The following DIAPH3 variants were observed in gnomAD, a reference collection of about 807,000 sequenced individuals.
The protein encoded by DIAPH3 is diaphanous related formin 3.
A neutral mutation model predicts 144.3 loss-of-function variants in DIAPH3; 117 were observed. The ratio of observed to expected loss-of-function variants is 0.81; its 90% CI spans 0.70 to 0.95. The LOEUF is 0.95. DIAPH3 is among the 40% of genes least tolerant of loss of function. The pLI is 0.00. For missense variants in DIAPH3, 1,421 were observed against 1,412.7 expected (o/e 1.01, Z -0.09); for synonymous variants, 519 against 488.9 (o/e 1.06, Z -0.81).
At chr13:60,134,196 C>G (rs756534548) in intron 1 of DIAPH3, among the ~76,000 whole-genome samples, 4 of 152,104 alleles carry the variant, frequency 2.6e-5, no homozygotes, top group Admixed American at 2.0e-4. Flanking sequence ...AATGAAAGAC[C>G]ATTAGCCACA....
intron 19 of DIAPH3, among the ~76,000 whole-genome samples, chr13:59,915,279 A>G (rs1435550400): frequency 2.0e-5 from 3 of 152,158 alleles, no homozygotes; most frequent in African/African-American, 7.2e-5. Context: ...TCAGCGACTC[A>G]CAGCACAAAT....
chr13:59,979,465 A>G (rs1379154774), intron 14 of DIAPH3, among the ~76,000 whole-genome samples: 1 of 151,554 alleles, frequency 6.6e-6, no homozygotes, highest in Non-Finnish European at 1.5e-5. Flanking sequence ...CTAAATTTAA[A>G]TGATCCATTA....
At chr13:59,992,323 G>T in intron 10 of DIAPH3, 137 bp from the exon 11 acceptor site, 3 of 1,004,538 alleles carry the variant, frequency 3.0e-6, no homozygotes, top group Non-Finnish European at 3.0e-6. Flanking sequence ...AATAACACTC[G>T]AATCTTATCA....
chr13:60,124,829 T>A (rs1262556404), intron 2 of DIAPH3, among the ~76,000 whole-genome samples: 1 of 151,776 alleles, frequency 6.6e-6, no homozygotes. Context: ...AGCGAGACCC[T>A]GTCTCAAAAA....
chr13:59,820,113 C>A (rs923530830), intron 24 of DIAPH3, among the ~76,000 whole-genome samples: 5 of 151,712 alleles, frequency 3.3e-5, no homozygotes, highest in Admixed American at 1.3e-4. Flanking sequence ...CACATTTATC[C>A]AGCAACAATT....
At chr13:59,967,325 T>G (rs1338171688) in intron 17 of DIAPH3, among the ~76,000 whole-genome samples, 1 of 151,990 alleles carries the variant, frequency 6.6e-6, no homozygotes. Flanking sequence ...TCAACCCACC[T>G]CGACCTCCCA....
intron 9 of DIAPH3, among the ~76,000 whole-genome samples, chr13:60,004,896 C>T (rs2052758319): frequency 6.6e-6 from 1 of 152,106 alleles, no homozygotes; most frequent in Admixed American, 6.6e-5. Context: ...GAATCATCAC[C>T]TACTATGTCC....
intron 22 of DIAPH3, among the ~76,000 whole-genome samples, chr13:59,856,626 A>T (rs2043269459): frequency 6.6e-6 from 1 of 152,150 alleles, no homozygotes; most frequent in African/African-American, 2.4e-5. Context: ...TGGATTAGGG[A>T]TATCCTAATG....
chr13:60,046,519 T>C (rs556561152), intron 4 of DIAPH3, among the ~76,000 whole-genome samples: 1 of 152,322 alleles, frequency 6.6e-6, no homozygotes, highest in East Asian at 1.9e-4. Context: ...TTTTACACTG[T>C]TGGTGAGAGT....
intron 24 of DIAPH3, among the ~76,000 whole-genome samples, chr13:59,820,387 G>T (rs2041003884): frequency 1.3e-5 from 2 of 151,790 alleles, no homozygotes; most frequent in South Asian, 4.2e-4. Context: ...TTATACCTCT[G>T]AAGATTTAAT....
intron 1 of DIAPH3, among the ~76,000 whole-genome samples, chr13:60,155,819 C>T (rs913733904): frequency 6.6e-6 from 1 of 152,172 alleles, no homozygotes; most frequent in African/African-American, 2.4e-5. Flanking sequence ...GTAGACAAAA[C>T]ATGAATGGAG....
At chr13:59,801,780 T>A (rs952584403) in intron 25 of DIAPH3, among the ~76,000 whole-genome samples, 4 of 152,346 alleles carry the variant, frequency 2.6e-5, no homozygotes, top group Admixed American at 1.3e-4. Flanking sequence ...AAGGAAGCTA[T>A]CCAGGAAACA....
chr13:59,864,536 T>C (rs1023847670), intron 21 of DIAPH3, among the ~76,000 whole-genome samples: 5 of 152,072 alleles, frequency 3.3e-5, no homozygotes, highest in South Asian at 2.1e-4. Context: ...ATCTGTGATA[T>C]AGCTAAACAG....
chr13:59,924,839 C>A lies in DIAPH3; in HGVS notation c.2106G>T (p.Lys702Asn), dbSNP rs1030699025. The A allele has an allele frequency of 1.8e-5, 29 of 1,601,020 alleles. No individual in the cohort carries two copies. Among genetic ancestry groups the A allele is most frequent in the African/African-American group, 2.7e-5 (2 of 74,550 alleles). ...CTTTAATTTTTTTCTTAATCGATTT[C>A]TTCTCTTCAATATCTTCCTCTTCTC... ...ERREEEDIEE[K>N]KSIKKKIKEL... Residue 702 changes from lysine (K) to asparagine (N), a missense_variant, in exon 18 of 28, where the codon AAG (lysine) becomes AAT (asparagine). Lys to Asn is a moderately conservative substitution (Grantham distance 94, BLOSUM62 0). Transcript: ENST00000400324.
At chr13:59,876,347 G>A (rs2140034989) in intron 21 of DIAPH3, among the ~76,000 whole-genome samples, 1 of 152,244 alleles carries the variant, frequency 6.6e-6, no homozygotes, top group African/African-American at 2.4e-5. Context: ...CACAACAGAA[G>A]GCTCCTAAGA....
chr13:59,709,143 G>C (rs1358400107), intron 27 of DIAPH3, among the ~76,000 whole-genome samples: 1 of 152,126 alleles, frequency 6.6e-6, no homozygotes, highest in Non-Finnish European at 1.5e-5. Context: ...TATTCTTTCA[G>C]ATGAATAACT....
intron 27 of DIAPH3, among the ~76,000 whole-genome samples, chr13:59,764,186 T>C (rs1164479767): frequency 2.0e-5 from 3 of 152,032 alleles, no homozygotes; most frequent in African/African-American, 7.2e-5. Context: ...CATATTCCCA[T>C]TCTAGATTCT....
intron 17 of DIAPH3, among the ~76,000 whole-genome samples, chr13:59,926,194 C>T (rs1403693741): frequency 6.6e-6 from 1 of 151,986 alleles, no homozygotes. Flanking sequence ...CACTATATTG[C>T]CCAGGCTCGT....
At chr13:59,998,446 G>A (rs9570243) in intron 9 of DIAPH3, among the ~76,000 whole-genome samples, 3 of 152,216 alleles carry the variant, frequency 2.0e-5, no homozygotes, top group East Asian at 3.9e-4. Flanking sequence ...GCATAGCCCA[G>A]TACCTAGCAG....
Sources: gnomAD v4.1 joint callset for allele counts (sites outside exome capture counted in the v4.1 genomes callset) on GRCh38, gnomAD v4.1.1 for gene constraint, MANE v1.5 for transcripts, NCBI Gene and HGNC (gene_info 2026-07-23, HGNC 2026-07-21) for gene names.